The following PLPP4 variants were observed in gnomAD, a reference collection of about 807,000 sequenced individuals.
PLPP4 encodes phospholipid phosphatase 4.
In PLPP4, 20 loss-of-function variants were observed where a neutral mutation model predicts 32.2. That is an observed-to-expected ratio of 0.62 (90% confidence interval 0.44 to 0.90). The LOEUF (loss-of-function observed/expected upper bound fraction) is 0.90, where lower values mean the gene tolerates loss of function less well. Among genes scored for constraint, PLPP4 ranks in the 40% least tolerant of loss-of-function variants. The pLI, the probability that PLPP4 is intolerant of heterozygous loss-of-function variation, is 0.00. For missense variants in PLPP4, 257 were observed against 353.1 expected (o/e 0.73, Z 2.18); for synonymous variants, 127 against 133.0 (o/e 0.95, Z 0.31).
chr10:120,503,697 T>C (rs538370496), intron 1 of PLPP4, 121 bp from the exon 2 acceptor site: 4 of 1,589,808 alleles, frequency 2.5e-6, no homozygotes, highest in African/African-American at 2.7e-5. Context: ...GGCCTGTCTC[T>C]TTCCCCTTCC....
intron 5 of PLPP4, among the ~76,000 whole-genome samples, chr10:120,545,880 C>T (rs1847589642): frequency 6.6e-6 from 1 of 152,072 alleles, no homozygotes; most frequent in Non-Finnish European, 1.5e-5. Context: ...TGGGTGGGCA[C>T]CATCTAATCA....
chr10:120,590,366 G>A lies in PLPP4; in HGVS notation c.*864G>A. On this transcript the variant is annotated 3_prime_UTR_variant, in exon 7 of 7. Transcript: ENST00000398250. The stretch of plus-strand genomic sequence containing the variant: ...TGGGGCTCATCTCAAGGGAGTGGCT[G>A]AGTGGCCATTGGGGATAAGAAGCAA... Among the ~76,000 whole-genome samples the A allele has an allele frequency of 1.3e-5, 2 of 151,894 alleles. No individual in the cohort carries two copies. The highest frequency in any genetic ancestry group is 3.9e-4 in the East Asian group (2 of 5,192).
chr10:120,513,822 T>A (rs987800783), intron 2 of PLPP4, 89 bp from the exon 3 acceptor site: 19 of 981,894 alleles, frequency 1.9e-5, no homozygotes, highest in Non-Finnish European at 2.9e-5. Context: ...CCAGGGAGTC[T>A]AAATGAAACT....
At chr10:120,567,530 T>C (rs1008535263) in intron 5 of PLPP4, among the ~76,000 whole-genome samples, 1 of 152,240 alleles carries the variant, frequency 6.6e-6, no homozygotes, top group African/African-American at 2.4e-5. Flanking sequence ...TCTATTTTTG[T>C]TTCAATGCCA....
At chr10:120,506,216 T>A (rs1224771820) in intron 2 of PLPP4, among the ~76,000 whole-genome samples, 1 of 152,234 alleles carries the variant, frequency 6.6e-6, no homozygotes, top group Non-Finnish European at 1.5e-5. Context: ...ATTTCATTAA[T>A]AGCAGTTGAT....
chr10:120,506,901 A>G (rs899984331), intron 2 of PLPP4, among the ~76,000 whole-genome samples: 5 of 152,234 alleles, frequency 3.3e-5, no homozygotes, highest in African/African-American at 1.2e-4. Flanking sequence ...CCTGTTGACC[A>G]GAGAGACTGG....
Position 120,590,998 on chromosome 10 carries a change from G to A in PLPP4, c.*1496G>A, listed in dbSNP as rs574997528. On this transcript the variant is annotated 3_prime_UTR_variant, in exon 7 of 7. Transcript: ENST00000398250. ...TGGCCAGGCTGGTCTCGGACTCCTA[G>A]CCTCAAGTGATCTGCCCACCTCGGC... is the stretch of plus-strand genomic sequence containing the variant. 5.3e-5 allele frequency among the ~76,000 whole-genome samples: 8 copies of A among 152,078 alleles called. No individual in the cohort carries two copies. The South Asian group carries it at 1.5e-3, about 28-fold the overall frequency.
At chr10:120,474,238 C>G (rs924796619) in intron 1 of PLPP4, among the ~76,000 whole-genome samples, 4 of 152,192 alleles carry the variant, frequency 2.6e-5, no homozygotes, top group Middle Eastern at 3.4e-3. Flanking sequence ...TTCTTTGACA[C>G]AGGTTTACAT....
intron 3 of PLPP4, among the ~76,000 whole-genome samples, chr10:120,515,551 C>T (rs1392707180): frequency 6.6e-6 from 1 of 152,220 alleles, no homozygotes; most frequent in East Asian, 1.9e-4. Flanking sequence ...CCATGAGTCC[C>T]TGGCCAGCCT....
At chr10:120,477,110 G>A (rs1230364686) in intron 1 of PLPP4, among the ~76,000 whole-genome samples, 1 of 152,110 alleles carries the variant, frequency 6.6e-6, no homozygotes, top group Admixed American at 6.5e-5. Flanking sequence ...AATAACCAAT[G>A]TAAAAAACAT....
chr10:120,588,028 A>G (rs1298241208), intron 6 of PLPP4, among the ~76,000 whole-genome samples: 1 of 152,220 alleles, frequency 6.6e-6, no homozygotes, highest in Non-Finnish European at 1.5e-5. Flanking sequence ...ACACAGCATC[A>G]CGGACCAGTG....
At chr10:120,586,812 A>AGGGAGTGGGGAG (rs1445654903) in intron 6 of PLPP4, among the ~76,000 whole-genome samples, 1 of 152,112 alleles carries the variant, frequency 6.6e-6, no homozygotes, top group East Asian at 1.9e-4. Flanking sequence ...CTAATTGCAC[A>AGGGAGTGGGGAG]GGGAGTGGGG....
intron 1 of PLPP4, among the ~76,000 whole-genome samples, chr10:120,473,771 C>G (rs951655185): frequency 6.6e-6 from 1 of 152,076 alleles, no homozygotes; most frequent in Admixed American, 6.6e-5. Context: ...TCCCCCTTCA[C>G]TCTCTCTCTC....
intron 6 of PLPP4, among the ~76,000 whole-genome samples, chr10:120,577,521 G>A (rs539067042): frequency 1.3e-5 from 2 of 152,244 alleles, no homozygotes; most frequent in South Asian, 4.1e-4. Flanking sequence ...TTGGCAACTG[G>A]GGCTTTGAAA....
intron 5 of PLPP4, among the ~76,000 whole-genome samples, chr10:120,529,756 T>C (rs1223009211): frequency 6.6e-6 from 1 of 152,048 alleles, no homozygotes; most frequent in African/African-American, 2.4e-5. Flanking sequence ...CACAAGGGTT[T>C]GTAAAAAAGA....
chr10:120,577,155 G>A (rs1371318790), intron 6 of PLPP4, among the ~76,000 whole-genome samples: 2 of 152,284 alleles, frequency 1.3e-5, no homozygotes, highest in East Asian at 3.9e-4. Flanking sequence ...GATGCATTGT[G>A]TTTCCCAAAC....
At chr10:120,509,163 T>G (rs567213477) in intron 2 of PLPP4, among the ~76,000 whole-genome samples, 5 of 152,246 alleles carry the variant, frequency 3.3e-5, no homozygotes, top group Non-Finnish European at 4.4e-5. Flanking sequence ...GCACTTCACT[T>G]AGTGTGTGGC....
At chr10:120,515,303 A>G (rs1487855766) in intron 3 of PLPP4, among the ~76,000 whole-genome samples, 3 of 152,168 alleles carry the variant, frequency 2.0e-5, no homozygotes, top group Non-Finnish European at 4.4e-5. Flanking sequence ...GACCACTGCA[A>G]TGTGCCTTGC....
intron 1 of PLPP4, among the ~76,000 whole-genome samples, chr10:120,500,432 T>C (rs1845188751): frequency 6.6e-6 from 1 of 152,136 alleles, no homozygotes; most frequent in South Asian, 2.1e-4. Flanking sequence ...ATCCACCTGC[T>C]TTTCTATAGT....
Sources: gnomAD v4.1 joint callset for allele counts (sites outside exome capture counted in the v4.1 genomes callset) on GRCh38, gnomAD v4.1.1 for gene constraint, MANE v1.5 for transcripts, NCBI Gene and HGNC (gene_info 2026-07-23, HGNC 2026-07-21) for gene names.